The following DIDO1 variants were observed in gnomAD, a reference collection of about 807,000 sequenced individuals.
DIDO1 encodes death inducer-obliterator 1.
A neutral mutation model predicts 99.4 loss-of-function variants in DIDO1; 16 were observed. The ratio of observed to expected loss-of-function variants is 0.16; its 90% CI spans 0.11 to 0.24. The LOEUF is 0.24. Among genes scored for constraint, DIDO1 ranks in the 10% least tolerant of loss-of-function variants. The pLI is 1.00. For missense variants in DIDO1, 2,996 were observed against 3,014.0 expected (o/e 0.99, Z 0.14); for synonymous variants, 1,366 against 1,239.1 (o/e 1.10, Z -2.15).
At chr20:62,927,124 G>C (rs2065270338), upstream of DIDO1, among the ~76,000 whole-genome samples, 1 of 152,130 alleles carries the variant, frequency 6.6e-6, no homozygotes, top group Non-Finnish European at 1.5e-5. Flanking sequence ...GGGGGGGAGA[G>C]AAAGGAGCAC....
intron 12 of DIDO1, 71 bp from the exon 13 acceptor site, chr20:62,893,033 T>A (rs1600934634): frequency 1.9e-5 from 3 of 157,118 alleles, no homozygotes; most frequent in South Asian, 1.6e-4. Context: ...GTAGAAAGCC[T>A]TTTTTTTTTT....
rs1312642478 is a variant in DIDO1 at position 62,892,037 on chromosome 20, G to A, written c.3295C>T (p.Pro1099Ser). Reference protein sequence around the residue: ...DTIHIGGRIAPKTVWDYVGKL... With the variant: ...DTIHIGGRIASKTVWDYVGKL... ...CCAACATAATCCCAAACTGTCTTCG[G>A]TGCGATCCTCCCACCAATGTGAATT... Residue 1099 changes from proline (P) to serine (S), a missense_variant, in exon 14 of 16, where the codon CCG becomes TCG. By Grantham distance (74) the Pro-to-Ser change is moderately conservative. Around this residue, in one of 5 missense-constraint regions of DIDO1, gnomAD observed 135 missense variants for 202.3 expected, o/e 0.67. Coordinates refer to ENST00000395343, the MANE Select transcript of DIDO1 (RefSeq NM_001193369.2). 1.2e-6 allele frequency: 2 copies of A among 1,613,434 alleles called. No homozygotes were observed. The highest frequency in any genetic ancestry group is 8.5e-7 in the Non-Finnish European group (1 of 1,179,924).
At chr20:62,933,126 C>T (rs898398878) in intron 1 of DIDO1, among the ~76,000 whole-genome samples, 1 of 152,128 alleles carries the variant, frequency 6.6e-6, no homozygotes, top group African/African-American at 2.4e-5. Context: ...GCAGGAGAAT[C>T]GCTTAAACCG....
At chr20:62,931,399 T>C (rs577147839), upstream of DIDO1, among the ~76,000 whole-genome samples, 50 of 152,314 alleles carry the variant, frequency 3.3e-4, no homozygotes, top group African/African-American at 1.2e-3. Context: ...AATAAATCAA[T>C]ATTTTAGTTA....
At chr20:62,903,889 G>A (rs1023560210) in intron 6 of DIDO1, among the ~76,000 whole-genome samples, 8 of 152,114 alleles carry the variant, frequency 5.3e-5, no homozygotes, top group African/African-American at 9.7e-5. Context: ...AGAGTACCCC[G>A]CTATGGGCAG....
chr20:62,896,090 TG>T lies in DIDO1; in HGVS notation c.2214+142del. Reference sequence around the variant, plus strand: ...CGCTCAACGCCAGTGCAACAATACGTGGGCGGCAGAAGGATCACAGAGGAGA... The same window carrying T: ...CGCTCAACGCCAGTGCAACAATACGTGGCGGCAGAAGGATCACAGAGGAGA... On this transcript the variant is annotated intron_variant, in intron 8 of 15. Transcript: ENST00000395343. This position sits in a 1 kb window ranked among gnomAD's most constrained non-coding sequence, Gnocchi z 4.4. 1 of 922,640 alleles carries T rather than the reference TG, an allele frequency of 1.1e-6. No homozygotes were observed. Among genetic ancestry groups the T allele is most frequent in the Non-Finnish European group, 1.6e-6 (1 of 615,094 alleles). The allele number at this position is 922,640 out of a possible 1,614,324, so 57.2% of individuals were successfully genotyped here. A position where few individuals can be genotyped will look rare whatever the true frequency, so the allele number is the denominator to read the frequency against.
chr20:62,910,117 T>G, intron 3 of DIDO1, 97 bp from the exon 4 acceptor site: 1 of 1,302,380 alleles, frequency 7.7e-7, no homozygotes, highest in Non-Finnish European at 1.0e-6. Context: ...CATGAAAAAA[T>G]GCAAATATAC....
Position 62,911,225 on chromosome 20 carries a change from TG to T in DIDO1, c.387del (p.Thr130GlnfsTer3). The T allele has an allele frequency of 6.2e-7, 1 of 1,613,594 alleles. No homozygotes were observed. Among genetic ancestry groups the T allele is most frequent in the Non-Finnish European group, 8.5e-7 (1 of 1,180,024 alleles). ...SETRSGPQSA[S>X]TAVKERPASS... ...GAGGCTGGTCGTTCCTTCACAGCTG[TG>T]GAAGCAGACTGGGGGCCGCTTCTGG... On this transcript the variant is annotated frameshift_variant, in exon 3 of 16. Coordinates refer to ENST00000395343, the MANE Select transcript of DIDO1 (RefSeq NM_001193369.2). LOFTEE classifies it high-confidence loss of function. The surrounding 1 kb of genome is among the most constrained non-coding windows in gnomAD (Gnocchi z 7.0).
At chr20:62,900,476 C>CAG (rs2064644227) in intron 6 of DIDO1, among the ~76,000 whole-genome samples, 2 of 152,184 alleles carry the variant, frequency 1.3e-5, no homozygotes. Flanking sequence ...AAATCAGGCC[C>CAG]CCACTGGAGG....
chr20:62,930,941 T>G (rs1568895178), upstream of DIDO1, among the ~76,000 whole-genome samples: 1 of 152,198 alleles, frequency 6.6e-6, no homozygotes, highest in African/African-American at 2.4e-5. Context: ...GAGCTGCAGT[T>G]TGTGTTGTTG....
intron 1 of DIDO1, among the ~76,000 whole-genome samples, chr20:62,922,048 CAATA>C (rs1189235971): frequency 6.7e-6 from 1 of 148,474 alleles, no homozygotes; most frequent in Non-Finnish European, 1.5e-5. Flanking sequence ...TATATACACA[CAATA>C]TATATATACA....
upstream of DIDO1, among the ~76,000 whole-genome samples, chr20:62,929,692 A>AAAAAAAAAAAAAATATATATATATAT: frequency 7.8e-5 from 5 of 63,706 alleles, no homozygotes; most frequent in African/African-American, 3.8e-4. Flanking sequence ...AAAAAGAAAA[A>AAAAAAAAAAAAAATATATATATATAT]GTGTATATAT....
chr20:62,908,703 A>T (rs2064859982), intron 4 of DIDO1, among the ~76,000 whole-genome samples: 1 of 152,164 alleles, frequency 6.6e-6, no homozygotes, highest in Non-Finnish European at 1.5e-5. Flanking sequence ...AATGACAATT[A>T]AAAAAAGATG....
At position 62,880,876 on chromosome 20, in the gene DIDO1, C is replaced by T. The variant is rs1297429523; in HGVS notation, c.5080G>A (p.Ala1694Thr). 3 of 1,612,368 alleles carry T rather than the reference C, an allele frequency of 1.9e-6. No individual in the cohort carries two copies. In the East Asian group the frequency reaches 6.7e-5, roughly 36 times the overall value. The change falls in exon 16 of 16, where the codon GCT (alanine) becomes ACT (threonine). Residue 1694 changes from alanine to threonine, a missense_variant. Physicochemically the swap from Ala to Thr is moderately conservative, Grantham distance 58. This residue lies in a region of DIDO1 where 1,562 missense variants were observed against 1,412.6 expected (regional missense o/e 1.11). Coordinates refer to ENST00000395343, the MANE Select transcript of DIDO1 (RefSeq NM_001193369.2). ...TCCTCATACTGGGCTGAGCCGAGAG[C>T]CTTGTCCTGCGACGCGAACCCCGGG... ...TCPGFASQDK[A>T]LGSAQYEDPR...
chr20:62,906,482 G>A (rs1001431045), intron 5 of DIDO1, among the ~76,000 whole-genome samples: 1 of 152,208 alleles, frequency 6.6e-6, no homozygotes, highest in African/African-American at 2.4e-5. Context: ...AAAGGCCTGC[G>A]CGCGAGGCTG....
rs150417227 is a variant in DIDO1 at position 62,894,140 on chromosome 20, G to A, written c.2627C>T (p.Ala876Val). Reference protein sequence around the residue: ...EPAPKKQKLSASVKKEDLKSK... With the variant: ...EPAPKKQKLSVSVKKEDLKSK... The stretch of plus-strand genomic sequence containing the variant: ...TTTTAAGTCTTCTTTCTTAACAGAA[G>A]CTGACAATTTTTGTTTTTTCGGAGC... The change falls in exon 12 of 16, where the codon GCT becomes GTT. Residue 876 changes from alanine (A) to valine (V), a missense_variant. Physicochemically the swap from Ala to Val is moderately conservative, Grantham distance 64 (BLOSUM62 0). Coordinates refer to ENST00000395343, the MANE Select transcript of DIDO1 (RefSeq NM_001193369.2). The surrounding 1 kb of genome is among the most constrained non-coding windows in gnomAD (Gnocchi z 4.4). 28 of 1,614,064 alleles carry A rather than the reference G, an allele frequency of 1.7e-5. No homozygotes were observed. In the African/African-American group the frequency reaches 3.3e-4, roughly 19 times the overall value.
Position 62,911,013 on chromosome 20 carries a change from A to T in DIDO1, c.600T>A (p.Thr200=). 1 of 1,613,474 alleles carries T rather than the reference A, an allele frequency of 6.2e-7. No individual in the cohort carries two copies. The highest frequency in any genetic ancestry group is 8.5e-7 in the Non-Finnish European group (1 of 1,179,848). The change falls in exon 3 of 16, where the codon ACT becomes ACA. Residue 200 remains threonine, a synonymous_variant. Transcript: ENST00000395343. The surrounding 1 kb of genome is among the most constrained non-coding windows in gnomAD (Gnocchi z 7.0). ...KKRREEGPAE[T]VGSEASDTVE... ...CAGTGTCACTGGCCTCGGAGCCCACAGTCTCGGCGGGACCCTCCTCCCGGC... is the reference window on the plus strand; with the variant it reads ...CAGTGTCACTGGCCTCGGAGCCCACTGTCTCGGCGGGACCCTCCTCCCGGC...
In DIDO1 at chr20:62,911,221, G is replaced by T; in HGVS notation, c.392C>A (p.Ala131Asp). The change falls in exon 3 of 16, where the codon GCT becomes GAT. Residue 131 changes from alanine to aspartate, a missense_variant. Ala to Asp is a moderately radical substitution (Grantham distance 126). Coordinates refer to ENST00000395343, the MANE Select transcript of DIDO1 (RefSeq NM_001193369.2). The surrounding 1 kb of genome is among the most constrained non-coding windows in gnomAD (Gnocchi z 7.0). ...AGAAGAGGCTGGTCGTTCCTTCACA[G>T]CTGTGGAAGCAGACTGGGGGCCGCT... is the stretch of plus-strand genomic sequence containing the variant. ...TRSGPQSAST[A>D]VKERPASSEK... 1.2e-6 allele frequency: 2 copies of T among 1,613,648 alleles called. No homozygotes were observed. Among genetic ancestry groups the T allele is most frequent in the Non-Finnish European group, 1.7e-6 (2 of 1,180,036 alleles).
At chr20:62,886,798 G>C (rs1382230695) in intron 15 of DIDO1, among the ~76,000 whole-genome samples, 1 of 152,214 alleles carries the variant, frequency 6.6e-6, no homozygotes, top group African/African-American at 2.4e-5. Context: ...ACACCTGCTG[G>C]AACAGAAACG....
Sources: gnomAD v4.1 joint callset for allele counts (sites outside exome capture counted in the v4.1 genomes callset) on GRCh38, gnomAD v4.1.1 for gene constraint, gnomAD v4.1.1 regional missense constraint, Gnocchi (gnomAD v3.1) non-coding constraint, MANE v1.5 for transcripts, NCBI Gene and HGNC (gene_info 2026-07-23, HGNC 2026-07-21) for gene names.